The following ARHGEF3 variants were observed in gnomAD, a reference collection of about 807,000 sequenced individuals.
ARHGEF3 encodes the protein Rho guanine nucleotide exchange factor 3, also known as 59.8 kDA protein.
ARHGEF3 carries 28 observed loss-of-function variants against 63.2 expected under a neutral mutation model. That is an observed-to-expected ratio of 0.44 (90% CI 0.33 to 0.61). The LOEUF is 0.61. ARHGEF3 is among the 20% of genes least tolerant of loss of function. The pLI, the probability that ARHGEF3 is intolerant of heterozygous loss-of-function variation, is 0.03. For missense variants in ARHGEF3, 533 were observed against 659.3 expected, an observed-to-expected ratio of 0.81 and a Z score of 2.10; for synonymous variants, 266 against 254.2, an observed-to-expected ratio of 1.05 and a Z score of -0.44.
intron 1 of ARHGEF3, among the ~76,000 whole-genome samples, chr3:57,046,384 G>A (rs1333208035): frequency 6.6e-6 from 1 of 152,306 alleles, no homozygotes; most frequent in South Asian, 2.1e-4. Context: ...TCTGGCACCT[G>A]AGTAAATATG....
At position 56,889,544 on chromosome 3, in the gene ARHGEF3, T is replaced by A. The variant is rs538214541; in HGVS notation, c.130-7190A>T. On this transcript the variant is annotated intron_variant, in intron 3 of 12. Coordinates refer to the ARHGEF3 transcript ENST00000338458. ...AGCCCGGTTTAAGTAAGCCTTGTGG[T>A]GTTCATTTTAACAGAGAGGAACGCT... Among the ~76,000 whole-genome samples the A allele has an allele frequency of 5.8e-4, 88 of 152,280 alleles. 3 individuals carry two copies. The Middle Eastern group carries it at 0.027, about 47-fold the overall frequency.
intron 2 of ARHGEF3, among the ~76,000 whole-genome samples, chr3:56,764,251 G>A (rs1448709080): frequency 1.3e-5 from 2 of 152,132 alleles, no homozygotes; most frequent in East Asian, 1.9e-4. Context: ...AAATTAGGAA[G>A]GCTTCCAGAG....
exon 2 of ARHGEF3, chr3:57,035,145 T>G (rs765526388): frequency 1.3e-6 from 2 of 1,537,980 alleles, no homozygotes; most frequent in South Asian, 2.5e-5. Context: ...TGTGGAACTG[T>G]CCATAGACTC....
chr3:56,857,748 G>GT (rs2039934959), intron 4 of ARHGEF3, among the ~76,000 whole-genome samples: 1 of 152,172 alleles, frequency 6.6e-6, no homozygotes, highest in East Asian at 1.9e-4. Flanking sequence ...TTGCTCTTTG[G>GT]TTCTTTTTTA....
chr3:56,786,006 A>G (rs1048971757), intron 1 of ARHGEF3, among the ~76,000 whole-genome samples: 1 of 152,220 alleles, frequency 6.6e-6, no homozygotes, highest in African/African-American at 2.4e-5. Flanking sequence ...AATATGTTCA[A>G]GATGCTCCCT....
chr3:56,795,825 A>G (rs2037330967), intron 1 of ARHGEF3, among the ~76,000 whole-genome samples: 1 of 151,998 alleles, frequency 6.6e-6, no homozygotes, highest in South Asian at 2.1e-4. Context: ...AATTTTTAGT[A>G]GAGATGGGGT....
Position 57,002,479 on chromosome 3 carries a change from T to TTATATATATATA in ARHGEF3, c.62+32597_62+32608dup, listed in dbSNP as rs1159985048. On this transcript the variant is annotated intron_variant, in intron 2 of 12. Coordinates refer to the ARHGEF3 transcript ENST00000338458. ...TCTAAGCACTATATATATATATATGTTATATATATATATATATGTTATATA... is the reference window on the plus strand; with the variant it reads ...TCTAAGCACTATATATATATATATGTTATATATATATATATATATATATATATATGTTATATA... Among the ~76,000 whole-genome samples, 98 of 39,450 alleles carry TTATATATATATA rather than the reference T, an allele frequency of 2.5e-3. 4 individuals carry two copies. Among genetic ancestry groups the TTATATATATATA allele is most frequent in the East Asian group, 4.7e-3 (6 of 1,288 alleles). 25.9% of individuals were successfully genotyped at this position (39,450 alleles called of 152,430 possible).
At position 56,738,311 on chromosome 3, in the gene ARHGEF3, T is replaced by C. The variant is rs373399077; in HGVS notation, c.871-956A>G. 1.1e-4 allele frequency among the ~76,000 whole-genome samples: 16 copies of C among 152,164 alleles called. No homozygotes were observed. The East Asian group carries it at 3.1e-3, about 29-fold the overall frequency. On this transcript the variant is annotated intron_variant, in intron 7 of 9. Coordinates refer to ENST00000296315, the MANE Select transcript of ARHGEF3 (RefSeq NM_019555.3). ...CCTCAGCCTCCCAAAGTGCTGGGAT[T>C]ACAAGTGTGAGCCACTGCGCCTGGC... is the stretch of plus-strand genomic sequence containing the variant.
chr3:57,018,547 C>T (rs1703118364), intron 2 of ARHGEF3, among the ~76,000 whole-genome samples: 2 of 152,128 alleles, frequency 1.3e-5, no homozygotes, highest in African/African-American at 4.8e-5. Flanking sequence ...AGGATTTGAA[C>T]CAGAGCAGTC....
intron 1 of ARHGEF3, among the ~76,000 whole-genome samples, chr3:56,795,104 A>G (rs1247771224): frequency 6.6e-6 from 1 of 151,852 alleles, no homozygotes; most frequent in East Asian, 1.9e-4. Flanking sequence ...GGCTCAAGCA[A>G]TCCTGCTGCC....
intron 2 of ARHGEF3, among the ~76,000 whole-genome samples, chr3:56,976,939 G>A (rs1225792280): frequency 6.6e-6 from 1 of 152,040 alleles, no homozygotes; most frequent in Non-Finnish European, 1.5e-5. Flanking sequence ...AGGGAGTGGC[G>A]GGTATGAGGT....
chr3:57,003,738 G>A (rs554791155), intron 2 of ARHGEF3, among the ~76,000 whole-genome samples: 3 of 152,174 alleles, frequency 2.0e-5, no homozygotes, highest in African/African-American at 7.2e-5. Context: ...GAAGGTCCGA[G>A]CAGTAGTAGG....
chr3:57,054,713 G>A (rs182691484), intron 1 of ARHGEF3, among the ~76,000 whole-genome samples: 157 of 149,064 alleles, frequency 1.1e-3, no homozygotes, highest in Middle Eastern at 3.5e-3. Flanking sequence ...GTGCAGTGGC[G>A]CAATCTCAGC....
intron 4 of ARHGEF3, among the ~76,000 whole-genome samples, chr3:56,808,624 T>G (rs142726841): frequency 1.7e-3 from 252 of 149,450 alleles, no homozygotes; most frequent in African/African-American, 5.9e-3. Flanking sequence ...AAATAAAAAA[T>G]TAGCTATGAA....
rs535229922 is a variant in ARHGEF3, at chr3:56,847,594, T to G, written c.192+34698A>C. 1.2e-3 allele frequency among the ~76,000 whole-genome samples: 185 copies of G among 152,350 alleles called. 1 individual carries two copies. The highest frequency in any genetic ancestry group is 1.9e-3 in the Admixed American group (29 of 15,300). On this transcript the variant is annotated intron_variant, in intron 4 of 12. Transcript: ENST00000338458. The stretch of plus-strand genomic sequence containing the variant: ...TTTATTTGTTATCTTATTTTAGTTT[T>G]GAGACAGAGTCTCAATCTTGTAGCC...
At chr3:56,745,047 T>C (rs1451745704) in intron 7 of ARHGEF3, among the ~76,000 whole-genome samples, 158 bp downstream of exon 7, 2 of 152,120 alleles carry the variant, frequency 1.3e-5, no homozygotes, top group African/African-American at 2.4e-5. Context: ...AGAAGTGACT[T>C]GCAAAATCAA....
chr3:56,869,115 A>G (rs9870009), intron 4 of ARHGEF3, among the ~76,000 whole-genome samples: 6,667 of 152,166 alleles, frequency 0.044, 504 homozygotes, highest in African/African-American at 0.15. Flanking sequence ...TGCTGAGTAG[A>G]GGATTCCTGT....
intron 3 of ARHGEF3, among the ~76,000 whole-genome samples, chr3:56,888,938 T>C (rs559164848): frequency 1.9e-4 from 28 of 145,834 alleles, no homozygotes; most frequent in Non-Finnish European, 3.7e-4. Context: ...AAAACAAAAA[T>C]GACCAGGGGG....
chr3:56,996,565 G>A (rs1222881447), intron 2 of ARHGEF3, among the ~76,000 whole-genome samples: 1 of 152,190 alleles, frequency 6.6e-6, no homozygotes, highest in Non-Finnish European at 1.5e-5. Flanking sequence ...TATGAACGAG[G>A]AAATGGGCCC....
Sources: gnomAD v4.1 joint callset for allele counts (sites outside exome capture counted in the v4.1 genomes callset) on GRCh38, gnomAD v4.1.1 for gene constraint, MANE v1.5 for transcripts, NCBI Gene and HGNC (gene_info 2026-07-23, HGNC 2026-07-21) for gene names.